Variants in PDE11A observed in about 807,000 individuals in gnomAD.
The protein encoded by PDE11A is phosphodiesterase 11A.
Under a neutral mutation model 100.5 loss-of-function variants are expected in PDE11A, and 100 were observed. The ratio of observed to expected loss-of-function variants is 1.00; its 90% CI spans 0.85 to 1.18. PDE11A has a LOEUF of 1.18. Ranked by LOEUF, PDE11A falls within the 50% of genes most tolerant of loss-of-function variation. The pLI, the probability that PDE11A is intolerant of heterozygous loss-of-function variation, is 0.00. For synonymous variants in PDE11A, 381 were observed against 420.8 expected, an observed-to-expected ratio of 0.91 and a Z score of 1.16; for missense variants, 1,141 against 1,152.6, an observed-to-expected ratio of 0.99 and a Z score of 0.15.
intron 9 of PDE11A, among the ~76,000 whole-genome samples, chr2:177,788,943 C>A (rs1191638152): frequency 6.6e-6 from 1 of 152,036 alleles, no homozygotes; most frequent in South Asian, 2.1e-4. Context: ...GATTCACAGC[C>A]GAATTCTACC....
At chr2:177,678,540 G>A (rs983680516) in intron 16 of PDE11A, among the ~76,000 whole-genome samples, 32 of 152,094 alleles carry the variant, frequency 2.1e-4, no homozygotes, top group Admixed American at 6.5e-4. Context: ...AGAATTGCTG[G>A]CACATGGTGG....
intron 15 of PDE11A, among the ~76,000 whole-genome samples, chr2:177,681,840 A>C (rs558074044): frequency 6.6e-6 from 1 of 152,352 alleles, no homozygotes; most frequent in Admixed American, 6.5e-5. Flanking sequence ...TGTAGCAATA[A>C]GATATCAACA....
chr2:177,900,736 T>C (rs576193746), intron 3 of PDE11A, among the ~76,000 whole-genome samples: 1 of 151,750 alleles, frequency 6.6e-6, no homozygotes, highest in African/African-American at 2.4e-5. Flanking sequence ...ACAGCCTGGA[T>C]GACAGAGTGA....
intron 6 of PDE11A, among the ~76,000 whole-genome samples, chr2:177,821,377 C>G (rs74356756): frequency 0.021 from 3,253 of 151,776 alleles, 61 homozygotes; most frequent in South Asian, 0.044. Context: ...ATCTATGCAA[C>G]TACCACCAAG....
chr2:177,837,472 CTTTCT>C (rs1358327997), intron 6 of PDE11A, among the ~76,000 whole-genome samples: 1 of 144,284 alleles, frequency 6.9e-6, no homozygotes, highest in African/African-American at 2.7e-5. Flanking sequence ...TACTTTCTTT[CTTTCT>C]TTTTTTTTTT....
chr2:178,077,918 T>G (rs925374181), intron 2 of PDE11A, among the ~76,000 whole-genome samples: 2 of 150,844 alleles, frequency 1.3e-5, no homozygotes, highest in Admixed American at 1.3e-4. Context: ...ATGAAACAGA[T>G]GCTCTTAGGA....
chr2:178,013,174 G>A (rs1341907746), intron 2 of PDE11A, among the ~76,000 whole-genome samples: 1 of 152,152 alleles, frequency 6.6e-6, no homozygotes, highest in African/African-American at 2.4e-5. Context: ...CAGCCTGTCT[G>A]AGAACAACTT....
chr2:177,631,820 G>A (rs577421302), intron 19 of PDE11A, among the ~76,000 whole-genome samples: 6 of 151,620 alleles, frequency 4.0e-5, no homozygotes, highest in African/African-American at 1.5e-4. Flanking sequence ...TGGATGAGGG[G>A]GAGCTTCTGT....
chr2:177,987,949 T>TA (rs1411291627), intron 2 of PDE11A, among the ~76,000 whole-genome samples: 1 of 152,200 alleles, frequency 6.6e-6, no homozygotes, highest in East Asian at 1.9e-4. Flanking sequence ...TATGTAAAAT[T>TA]AAAGTCAGAA....
At position 177,634,386 on chromosome 2, in the gene PDE11A, C is replaced by CTTTTTTT. The variant is rs758752342; in HGVS notation, c.2647-4825_2647-4824insAAAAAAA. Among the ~76,000 whole-genome samples the CTTTTTTT allele has an allele frequency of 3.4e-5, 2 of 59,384 alleles. 1 individual carries two copies. The allele number at this position is 59,384 out of a possible 152,430, so 39.0% of individuals were successfully genotyped here. A position where few individuals can be genotyped will look rare whatever the true frequency, so the allele number is the denominator to read the frequency against. ...TATCTTGAAAACTTACTTTTTCTCT[C>CTTTTTTT]TCTCTTTTTTTTTTTTTTGTGAGAA... On this transcript the variant is annotated intron_variant, in intron 19 of 19. Transcript: ENST00000286063.
intron 1 of PDE11A, among the ~76,000 whole-genome samples, chr2:178,063,263 TTAAAGGA>T (rs1456210750): frequency 6.6e-6 from 1 of 152,230 alleles, no homozygotes; most frequent in Admixed American, 6.5e-5. Flanking sequence ...TAATATTCAT[TTAAAGGA>T]TTTGATCTCT....
chr2:177,713,021 T>A (rs987512524), intron 12 of PDE11A, among the ~76,000 whole-genome samples: 2 of 151,736 alleles, frequency 1.3e-5, no homozygotes, highest in African/African-American at 2.4e-5. Context: ...ATTTTATTTT[T>A]TTTTTAGGAG....
chr2:177,728,924 A>C (rs2105448812), intron 10 of PDE11A, among the ~76,000 whole-genome samples: 1 of 152,268 alleles, frequency 6.6e-6, no homozygotes, highest in East Asian at 1.9e-4. Flanking sequence ...GGAGAAAAAA[A>C]ATCTTTGGAA....
chr2:177,642,677 T>A (rs1378465633), intron 19 of PDE11A, among the ~76,000 whole-genome samples: 3 of 152,046 alleles, frequency 2.0e-5, no homozygotes, highest in African/African-American at 7.2e-5. Flanking sequence ...TGCTGGGAGG[T>A]GCATTCTCTT....
At chr2:177,675,340 T>C (rs569604307) in intron 17 of PDE11A, 115 bp downstream of exon 17, 7 of 774,558 alleles carry the variant, frequency 9.0e-6, no homozygotes, top group African/African-American at 8.5e-5. Context: ...ATGTTAATAC[T>C]GATGCAAATT....
At chr2:177,665,144 T>C (rs1405313967) in intron 18 of PDE11A, among the ~76,000 whole-genome samples, 1 of 152,010 alleles carries the variant, frequency 6.6e-6, no homozygotes, top group African/African-American at 2.4e-5. Context: ...GAGAGAGGGA[T>C]AGTTCTTGTG....
intron 5 of PDE11A, among the ~76,000 whole-genome samples, chr2:177,867,029 T>C (rs55853851): frequency 0.21 from 31,914 of 152,166 alleles, 3,515 homozygotes; most frequent in Middle Eastern, 0.27. Flanking sequence ...GATAAGAATA[T>C]AGGTGCATAG....
At chr2:177,652,997 C>A (rs2080332241) in intron 19 of PDE11A, among the ~76,000 whole-genome samples, 1 of 152,140 alleles carries the variant, frequency 6.6e-6, no homozygotes, top group African/African-American at 2.4e-5. Context: ...CTATTCAAGG[C>A]AGAGTACAAA....
At chr2:178,073,604 T>A (rs934643058), upstream of PDE11A, among the ~76,000 whole-genome samples, 11 of 152,182 alleles carry the variant, frequency 7.2e-5, no homozygotes, top group African/African-American at 2.7e-4. Flanking sequence ...AAAAACAACG[T>A]TTAGCATAGT....
Sources: allele counts gnomAD v4.1 joint callset (sites outside exome capture counted in the v4.1 genomes callset), GRCh38; gene constraint gnomAD v4.1.1; transcripts MANE v1.5; gene names NCBI Gene and HGNC (gene_info 2026-07-23, HGNC 2026-07-21).